Variants in GYS2 observed in about 807,000 individuals in gnomAD.
The protein encoded by GYS2 is glycogen synthase 2.
In GYS2, 80 loss-of-function variants were observed where a neutral mutation model predicts 85.6. The observed-to-expected ratio is 0.93, with a 90% CI of 0.78 to 1.13. The LOEUF (loss-of-function observed/expected upper bound fraction) is 1.13. GYS2 is among the 50% of genes most tolerant of loss of function. The pLI is 0.00. For synonymous variants in GYS2, 328 were observed against 300.7 expected, an observed-to-expected ratio of 1.09 and a Z score of -0.94; for missense variants, 881 against 854.9, an observed-to-expected ratio of 1.03 and a Z score of -0.38.
intron 1 of GYS2, among the ~76,000 whole-genome samples, chr12:21,582,978 G>A (rs533678846): frequency 1.3e-5 from 2 of 152,122 alleles, no homozygotes; most frequent in Non-Finnish European, 2.9e-5. Context: ...AGTGAAGTTG[G>A]TTGGTTGCTT....
chr12:21,596,938 C>G (rs1412607686), intron 1 of GYS2, among the ~76,000 whole-genome samples: 2 of 152,106 alleles, frequency 1.3e-5, no homozygotes, highest in African/African-American at 4.8e-5. Flanking sequence ...AAATCAGTAA[C>G]TCTTCTATAC....
intron 4 of GYS2, among the ~76,000 whole-genome samples, chr12:21,570,666 A>G (rs1751290109): frequency 1.3e-5 from 2 of 152,270 alleles, no homozygotes; most frequent in South Asian, 4.1e-4. Flanking sequence ...TGGCATGTGC[A>G]GAAAATAGCA....
At chr12:21,594,745 A>G (rs1044738344) in intron 1 of GYS2, among the ~76,000 whole-genome samples, 4 of 152,214 alleles carry the variant, frequency 2.6e-5, no homozygotes, top group Admixed American at 1.3e-4. Context: ...GGAAAAACCA[A>G]TCTAAAATTT....
In GYS2 at chr12:21,542,532, A is replaced by G; in HGVS notation, c.1609T>C (p.Phe537Leu). 6.2e-7 allele frequency: 1 copy of G among 1,613,824 alleles called. No individual in the cohort carries two copies. The change falls in exon 13 of 16, where the codon TTC becomes CTC. Residue 537 changes from phenylalanine (F) to leucine (L), a missense_variant. Transcript: ENST00000261195. ...GGATCAGCCACGTGCTCCTGCATGA[A>G]ACAGCCAAACCCGGAGAGATTCGTG... ...VTTNLSGFGC[F>L]MQEHVADPTA...
chr12:21,557,140 AT>A (rs375481102), intron 11 of GYS2, among the ~76,000 whole-genome samples: 3 of 152,224 alleles, frequency 2.0e-5, no homozygotes, highest in African/African-American at 7.2e-5. Context: ...CAATTAGGTC[AT>A]CTGCTAAAAA....
At chr12:21,594,558 A>T (rs988784467) in intron 1 of GYS2, among the ~76,000 whole-genome samples, 2 of 152,184 alleles carry the variant, frequency 1.3e-5, no homozygotes, top group African/African-American at 2.4e-5. Flanking sequence ...AAAAACCTCT[A>T]TTCGGAAAAC....
At chr12:21,540,039 G>A (rs1366509406) in intron 14 of GYS2, among the ~76,000 whole-genome samples, 1 of 152,198 alleles carries the variant, frequency 6.6e-6, no homozygotes, top group Non-Finnish European at 1.5e-5. Flanking sequence ...ACTCACTACA[G>A]TTGAGAAATA....
At chr12:21,581,591 T>C (rs547527637) in intron 1 of GYS2, among the ~76,000 whole-genome samples, 1 of 152,220 alleles carries the variant, frequency 6.6e-6, no homozygotes, top group East Asian at 1.9e-4. Flanking sequence ...ATGCAGCTTG[T>C]CCTGCTACAC....
chr12:21,572,441 AT>A (rs1944397323), intron 4 of GYS2, among the ~76,000 whole-genome samples: 1 of 152,230 alleles, frequency 6.6e-6, no homozygotes, highest in Non-Finnish European at 1.5e-5. Context: ...AAAACCTTTC[AT>A]GTATATAATT....
At chr12:21,558,063 A>G in intron 11 of GYS2, 137 bp downstream of exon 11, 1 of 679,124 alleles carries the variant, frequency 1.5e-6, no homozygotes, top group Non-Finnish European at 2.7e-6. Context: ...ATCCAAGACA[A>G]GAAACTGAAC....
intron 15 of GYS2, among the ~76,000 whole-genome samples, chr12:21,537,924 C>T (rs1040099713): frequency 5.3e-5 from 8 of 152,174 alleles, no homozygotes; most frequent in African/African-American, 1.9e-4. Flanking sequence ...GCGCTCGTCA[C>T]TCTGTATTTC....
chr12:21,584,770 CA>C (rs879894168), intron 1 of GYS2, among the ~76,000 whole-genome samples: 30 of 152,170 alleles, frequency 2.0e-4, no homozygotes, highest in Non-Finnish European at 4.3e-4. Context: ...ATCCTGAACT[CA>C]ATGCTTATGC....
At chr12:21,578,835 T>C (rs1014087911) in intron 2 of GYS2, among the ~76,000 whole-genome samples, 2 of 152,166 alleles carry the variant, frequency 1.3e-5, no homozygotes, top group East Asian at 3.9e-4. Flanking sequence ...TTTTAGCTTT[T>C]CCCTGTCTGC....
chr12:21,568,046 T>A (rs1944342793), intron 5 of GYS2, among the ~76,000 whole-genome samples: 1 of 150,836 alleles, frequency 6.6e-6, no homozygotes, highest in Non-Finnish European at 1.5e-5. Flanking sequence ...CACTCCAGCC[T>A]GGGCAATGGA....
At chr12:21,541,654 A>G (rs141189418) in intron 13 of GYS2, among the ~76,000 whole-genome samples, 7 of 152,256 alleles carry the variant, frequency 4.6e-5, no homozygotes, top group Non-Finnish European at 8.8e-5. Flanking sequence ...TATTAATATT[A>G]ATAGCATTCT....
intron 3 of GYS2, among the ~76,000 whole-genome samples, chr12:21,574,782 A>G (rs898900144): frequency 6.6e-6 from 1 of 152,048 alleles, no homozygotes; most frequent in Non-Finnish European, 1.5e-5. Context: ...GTTTATTTAT[A>G]GTATATATTT....
chr12:21,585,629 T>C (rs1441858305), intron 1 of GYS2, among the ~76,000 whole-genome samples: 1 of 151,476 alleles, frequency 6.6e-6, no homozygotes, highest in Non-Finnish European at 1.5e-5. Context: ...ACAGAATATG[T>C]AGCAGAAGAA....
intron 1 of GYS2, among the ~76,000 whole-genome samples, chr12:21,596,495 A>G (rs773828773): frequency 8.5e-5 from 13 of 152,180 alleles, no homozygotes; most frequent in Non-Finnish European, 1.8e-4. Context: ...TTAAAAACAA[A>G]AATTACATGA....
At chr12:21,567,968 G>C (rs1246369720) in intron 5 of GYS2, among the ~76,000 whole-genome samples, 1 of 151,864 alleles carries the variant, frequency 6.6e-6, no homozygotes, top group Non-Finnish European at 1.5e-5. Flanking sequence ...AGCTACTCGA[G>C]AGGCTGAGGC....
Sources: gnomAD v4.1 joint callset for allele counts (sites outside exome capture counted in the v4.1 genomes callset) on GRCh38, gnomAD v4.1.1 for gene constraint, MANE v1.5 for transcripts, NCBI Gene and HGNC (gene_info 2026-07-23, HGNC 2026-07-21) for gene names.